The following CEP112 variants were observed in gnomAD, a reference collection of about 807,000 sequenced individuals.
CEP112 encodes centrosomal protein 112.
In CEP112, 127 loss-of-function variants were observed where a neutral mutation model predicts 153.0. The observed-to-expected ratio is 0.83, with a 90% confidence interval of 0.72 to 0.96. The LOEUF (loss-of-function observed/expected upper bound fraction) is 0.96. Ranked by LOEUF, CEP112 falls within the 40% of genes least tolerant of loss-of-function variation. The pLI is 0.00. For missense variants in CEP112, 1,089 were observed against 1,101.2 expected (o/e 0.99, Z 0.16); for synonymous variants, 358 against 374.4 (o/e 0.96, Z 0.51).
rs561770193 is a variant in CEP112, at chr17:66,048,612, TG to T, written c.1218+5123del. On this transcript the variant is annotated intron_variant, in intron 12 of 26. Transcript: ENST00000535342. ...TAACAAGACATAAAAAGCACTATTT[TG>T]TTTTTTTTATTTTTGAGACAGAGTC... 2.3e-3 allele frequency among the ~76,000 whole-genome samples: 343 copies of T among 152,262 alleles called. 3 individuals carry two copies. The highest frequency in any genetic ancestry group is 8.0e-3 in the African/African-American group (332 of 41,544).
chr17:65,654,813 C>A (rs2045974010), intron 24 of CEP112: 2 of 391,424 alleles, frequency 5.1e-6, no homozygotes, highest in African/African-American at 4.2e-5. Flanking sequence ...CAGAAAATTA[C>A]TAATAAACTG....
chr17:65,956,219 T>A (rs975220203), intron 18 of CEP112, among the ~76,000 whole-genome samples: 2 of 152,048 alleles, frequency 1.3e-5, no homozygotes, highest in Non-Finnish European at 2.9e-5. Flanking sequence ...TAAAAGTAGA[T>A]CTACCATTTG....
chr17:65,897,140 A>G (rs2143392019), intron 20 of CEP112, among the ~76,000 whole-genome samples: 1 of 152,212 alleles, frequency 6.6e-6, no homozygotes, highest in African/African-American at 2.4e-5. Context: ...ACTAGGGAGA[A>G]GAGGGGAACA....
chr17:66,016,541 T>A (rs976264461), intron 16 of CEP112, among the ~76,000 whole-genome samples: 1 of 152,112 alleles, frequency 6.6e-6, no homozygotes, highest in Non-Finnish European at 1.5e-5. Context: ...TACTCTAAAA[T>A]GATATGTTAC....
intron 21 of CEP112, among the ~76,000 whole-genome samples, chr17:65,805,541 G>A (rs545847162): frequency 1.1e-4 from 17 of 152,200 alleles, no homozygotes; most frequent in East Asian, 1.9e-4. Flanking sequence ...AGCATTTTTC[G>A]TTTAAAAGAG....
At chr17:66,158,319 A>G (rs561331355) in intron 4 of CEP112, among the ~76,000 whole-genome samples, 2 of 152,278 alleles carry the variant, frequency 1.3e-5, no homozygotes, top group South Asian at 2.1e-4. Flanking sequence ...AGGCAGAAAT[A>G]AAGATATTCT....
intron 17 of CEP112, among the ~76,000 whole-genome samples, chr17:65,992,253 A>C (rs1423759774): frequency 6.6e-6 from 1 of 152,194 alleles, no homozygotes; most frequent in African/African-American, 2.4e-5. Flanking sequence ...ACAAACAAGC[A>C]ACAAAAGATA....
intron 17 of CEP112, among the ~76,000 whole-genome samples, chr17:65,995,536 C>T (rs1418919346): frequency 6.6e-6 from 1 of 152,126 alleles, no homozygotes; most frequent in Non-Finnish European, 1.5e-5. Flanking sequence ...AAAAGTCACC[C>T]AGGACAAGTG....
chr17:66,077,188 C>A (rs2067535087), intron 8 of CEP112, among the ~76,000 whole-genome samples: 1 of 152,006 alleles, frequency 6.6e-6, no homozygotes, highest in Non-Finnish European at 1.5e-5. Flanking sequence ...AGCAATGGAT[C>A]CAAACCAAGA....
intron 17 of CEP112, among the ~76,000 whole-genome samples, chr17:65,995,037 C>A (rs1165149072): frequency 6.6e-6 from 1 of 152,050 alleles, no homozygotes; most frequent in Non-Finnish European, 1.5e-5. Context: ...TCCCTTTGAT[C>A]TCCATCAAAC....
intron 2 of CEP112, among the ~76,000 whole-genome samples, chr17:66,180,142 G>C (rs896860259): frequency 6.6e-6 from 1 of 152,034 alleles, no homozygotes; most frequent in Non-Finnish European, 1.5e-5. Context: ...CTGGCCTGTA[G>C]TTTTCTTTCT....
At chr17:66,057,252 G>A (rs1376690254) in intron 11 of CEP112, among the ~76,000 whole-genome samples, 2 of 152,134 alleles carry the variant, frequency 1.3e-5, no homozygotes, top group African/African-American at 4.8e-5. Context: ...AAGGAAGAGT[G>A]GTAGATACAT....
chr17:66,112,216 G>A (rs541681463), intron 6 of CEP112, among the ~76,000 whole-genome samples: 4 of 151,840 alleles, frequency 2.6e-5, no homozygotes, highest in Admixed American at 1.3e-4. Flanking sequence ...ACTTGAACTC[G>A]GGAGGCGGAG....
intron 16 of CEP112, among the ~76,000 whole-genome samples, chr17:66,006,170 G>A (rs934055061): frequency 7.9e-5 from 12 of 152,062 alleles, no homozygotes; most frequent in African/African-American, 2.9e-4. Context: ...CTCTTCCACT[G>A]CTGGGAATAA....
intron 21 of CEP112, among the ~76,000 whole-genome samples, chr17:65,811,055 A>G (rs1598651501): frequency 6.6e-6 from 1 of 152,246 alleles, no homozygotes; most frequent in Non-Finnish European, 1.5e-5. Context: ...GAAATTTTCT[A>G]CTGGGAAAAT....
At chr17:66,121,593 T>C (rs979608347) in intron 6 of CEP112, among the ~76,000 whole-genome samples, 2 of 152,192 alleles carry the variant, frequency 1.3e-5, no homozygotes, top group African/African-American at 4.8e-5. Context: ...CAATCTATCT[T>C]CAAGTTCACT....
intron 21 of CEP112, among the ~76,000 whole-genome samples, chr17:65,814,180 AT>A (rs1439217513): frequency 6.6e-6 from 1 of 152,174 alleles, no homozygotes; most frequent in Non-Finnish European, 1.5e-5. Flanking sequence ...TTAGCTAGTT[AT>A]TGACAGGGGC....
chr17:65,642,038 G>A (rs950196195), intron 24 of CEP112, among the ~76,000 whole-genome samples: 11 of 152,218 alleles, frequency 7.2e-5, no homozygotes, highest in Non-Finnish European at 1.5e-4. Context: ...AAGGCTAAAG[G>A]AGTGAGTGAG....
intron 21 of CEP112, among the ~76,000 whole-genome samples, chr17:65,758,996 A>C (rs1449440356): frequency 3.3e-5 from 5 of 152,196 alleles, no homozygotes; most frequent in Non-Finnish European, 7.3e-5. Context: ...GGAGGTAGGC[A>C]CAAGATACAG....
Sources: gnomAD v4.1 joint callset for allele counts (sites outside exome capture counted in the v4.1 genomes callset) on GRCh38, gnomAD v4.1.1 for gene constraint, MANE v1.5 for transcripts, NCBI Gene and HGNC (gene_info 2026-07-23, HGNC 2026-07-21) for gene names.